ZNG1B: variants seen among roughly 807,000 people sequenced by gnomAD.
ZNG1B encodes the protein Zn regulated GTPase metalloprotein activator 1B.
the ZNG1B span, among the ~76,000 whole-genome samples, chr2:113,443,078 C>T: frequency 6.6e-6 from 1 of 151,578 alleles, no homozygotes; most frequent in Non-Finnish European, 1.5e-5. Flanking sequence ...ACGCCATTCT[C>T]CTGCCTCAGC....
At chr2:113,460,488 A>T in the ZNG1B span, among the ~76,000 whole-genome samples, 1 of 152,114 alleles carries the variant, frequency 6.6e-6, no homozygotes, top group Non-Finnish European at 1.5e-5. Context: ...GTAGAAAAAA[A>T]TTGCAAATGG....
At chr2:113,479,092 G>C in the ZNG1B span, among the ~76,000 whole-genome samples, 1 of 150,896 alleles carries the variant, frequency 6.6e-6, no homozygotes, top group Non-Finnish European at 1.5e-5. Flanking sequence ...GTTCCATTTA[G>C]TAGGAAGACA....
chr2:113,448,202 C>T, the ZNG1B span, among the ~76,000 whole-genome samples: 1 of 151,840 alleles, frequency 6.6e-6, no homozygotes, highest in Non-Finnish European at 1.5e-5. Flanking sequence ...GTTGTGTTAG[C>T]AGGCATGAAA....
chr2:113,471,392 A>G, the ZNG1B span, among the ~76,000 whole-genome samples: 2 of 152,206 alleles, frequency 1.3e-5, no homozygotes, highest in African/African-American at 4.8e-5. Flanking sequence ...TGAAATACAT[A>G]GAAAATTTTA....
chr2:113,462,185 C>A, the ZNG1B span, among the ~76,000 whole-genome samples: 1 of 152,120 alleles, frequency 6.6e-6, no homozygotes, highest in African/African-American at 2.4e-5. Flanking sequence ...GAAATCTGAA[C>A]TTGCATAGTA....
At chr2:113,463,625 G>A in the ZNG1B span, among the ~76,000 whole-genome samples, 755 of 152,212 alleles carry the variant, frequency 5.0e-3, 11 homozygotes, top group Non-Finnish European at 5.8e-3. Flanking sequence ...ACAGACCTTG[G>A]AATCTGCTTG....
chr2:113,479,213 T>TA, the ZNG1B span, among the ~76,000 whole-genome samples: 1 of 138,384 alleles, frequency 7.2e-6, no homozygotes, highest in Non-Finnish European at 1.5e-5. Flanking sequence ...TAAATATAGT[T>TA]ATATCCTTTC....
the ZNG1B span, among the ~76,000 whole-genome samples, chr2:113,456,682 T>G: frequency 6.6e-6 from 1 of 152,108 alleles, no homozygotes; most frequent in East Asian, 1.9e-4. Flanking sequence ...CTTAAATTAT[T>G]AAATCAATAT....
chr2:113,439,874 A>ATTTTTTTTT, the ZNG1B span, among the ~76,000 whole-genome samples: 4 of 68,890 alleles, frequency 5.8e-5, no homozygotes, highest in Non-Finnish European at 8.0e-5. Context: ...CCTTCCCTTA[A>ATTTTTTTTT]TTTTTTTTTT....
chr2:113,438,131 A>G, the ZNG1B span: 2 of 1,604,564 alleles, frequency 1.2e-6, no homozygotes, highest in Non-Finnish European at 1.7e-6. Flanking sequence ...ATCAAGAGCA[A>G]ATGTCTTCGA....
At chr2:113,481,950 C>T in the ZNG1B span, 1 of 607,740 alleles carries the variant, frequency 1.6e-6, no homozygotes, top group East Asian at 2.9e-5. Context: ...TTATTCTGTG[C>T]ATATGTATAT....
At chr2:113,489,724 A>G in the ZNG1B span, among the ~76,000 whole-genome samples, 1 of 151,772 alleles carries the variant, frequency 6.6e-6, no homozygotes, top group Non-Finnish European at 1.5e-5. Context: ...TTCTTATATT[A>G]GACAAAACAA....
the ZNG1B span, among the ~76,000 whole-genome samples, chr2:113,454,461 G>A: frequency 6.7e-6 from 1 of 150,260 alleles, no homozygotes; most frequent in East Asian, 1.9e-4. Context: ...CAGTGCCAAG[G>A]AAATCTTATT....
chr2:113,463,295 A>T, the ZNG1B span, among the ~76,000 whole-genome samples: 19 of 152,128 alleles, frequency 1.2e-4, no homozygotes, highest in African/African-American at 4.3e-4. Context: ...TTCGGTAGCT[A>T]TTATTATTGG....
chr2:113,468,833 A>G, the ZNG1B span: 1 of 151,366 alleles, frequency 6.6e-6, no homozygotes, highest in Admixed American at 6.6e-5. Context: ...AAATTTGGTG[A>G]GAGACTTGGA....
At chr2:113,477,833 C>T in the ZNG1B span, among the ~76,000 whole-genome samples, 1 of 152,080 alleles carries the variant, frequency 6.6e-6, no homozygotes, top group Non-Finnish European at 1.5e-5. Flanking sequence ...TCCCTGTCTT[C>T]ATAGCCCCTG....
the ZNG1B span, chr2:113,441,332 CAA>C: frequency 7.2e-7 from 1 of 1,383,456 alleles, no homozygotes; most frequent in African/African-American, 1.5e-5. Flanking sequence ...TTTTTATTTA[CAA>C]AAAATATGTT....
chr2:113,445,254 T>A, the ZNG1B span: 1 of 576,104 alleles, frequency 1.7e-6, no homozygotes, highest in Non-Finnish European at 3.0e-6. Context: ...TTCTTGGTAC[T>A]TTTAAGCTGT....
At chr2:113,449,466 A>G in the ZNG1B span, among the ~76,000 whole-genome samples, 1 of 146,674 alleles carries the variant, frequency 6.8e-6, no homozygotes, top group African/African-American at 2.6e-5. Flanking sequence ...CCATTGTAGG[A>G]TATTAATTGG....
Sources: allele counts gnomAD v4.1 joint callset (sites outside exome capture counted in the v4.1 genomes callset), GRCh38; gene constraint gnomAD v4.1.1; transcripts MANE v1.5; gene names NCBI Gene and HGNC (gene_info 2026-07-23, HGNC 2026-07-21).